The following AFG2A variants were observed in gnomAD, a reference collection of about 807,000 sequenced individuals.
AFG2A encodes the protein AAA ATPase AFG2A.
At chr4:123,109,353 C>T in the AFG2A span, among the ~76,000 whole-genome samples, 11,093 of 152,212 alleles carry the variant, frequency 0.073, 580 homozygotes, top group Non-Finnish European at 0.11. Flanking sequence ...AACACAGCCA[C>T]ATTCATTTTT....
At chr4:123,261,954 A>T in the AFG2A span, among the ~76,000 whole-genome samples, 13 of 149,860 alleles carry the variant, frequency 8.7e-5, no homozygotes, top group Admixed American at 1.3e-4. Context: ...TAATTTTTTT[A>T]AAAAAATTTG....
At chr4:123,017,169 AGGGAGAGGGG>A in the AFG2A span, among the ~76,000 whole-genome samples, 120 of 10,892 alleles carry the variant, frequency 0.011, 8 homozygotes, top group Non-Finnish European at 0.023. Flanking sequence ...GGAAGGGGAG[AGGGAGAGGGG>A]GGAGAGGGAA....
chr4:123,219,356 G>T, the AFG2A span, among the ~76,000 whole-genome samples: 2 of 152,158 alleles, frequency 1.3e-5, no homozygotes, highest in African/African-American at 4.8e-5. Context: ...CCATTGGATG[G>T]CACCTGCATT....
the AFG2A span, among the ~76,000 whole-genome samples, chr4:123,098,063 A>G: frequency 2.6e-4 from 39 of 152,092 alleles, 1 homozygote; most frequent in Middle Eastern, 3.2e-3. Context: ...ACTGTAGTAG[A>G]GTAGTTACAG....
the AFG2A span, among the ~76,000 whole-genome samples, chr4:122,936,839 G>A: frequency 1.3e-5 from 2 of 152,180 alleles, no homozygotes; most frequent in African/African-American, 2.4e-5. Context: ...AATTAGCCAG[G>A]TGTGGTGGCA....
chr4:123,261,243 A>G, the AFG2A span, among the ~76,000 whole-genome samples: 1 of 152,164 alleles, frequency 6.6e-6, no homozygotes, highest in African/African-American at 2.4e-5. Flanking sequence ...GTAGTCTACT[A>G]TATTTGAGAT....
chr4:122,956,742 G>A, the AFG2A span, among the ~76,000 whole-genome samples: 63 of 152,278 alleles, frequency 4.1e-4, no homozygotes, highest in Non-Finnish European at 6.9e-4. Flanking sequence ...TTTTTAAAAA[G>A]ATTAGTGTTC....
chr4:123,202,546 A>G, the AFG2A span, among the ~76,000 whole-genome samples: 4 of 152,292 alleles, frequency 2.6e-5, no homozygotes, highest in Admixed American at 6.5e-5. Context: ...AGCACCCCCA[A>G]TGGTGATATC....
At chr4:123,192,897 T>C in the AFG2A span, among the ~76,000 whole-genome samples, 1 of 152,226 alleles carries the variant, frequency 6.6e-6, no homozygotes, top group Non-Finnish European at 1.5e-5. Flanking sequence ...ATATTCAGCG[T>C]TAACTTTAAA....
chr4:123,124,061 A>T, the AFG2A span, among the ~76,000 whole-genome samples: 800 of 151,970 alleles, frequency 5.3e-3, 2 homozygotes, highest in African/African-American at 0.018. Context: ...TAGTTCAACC[A>T]TTGTGGAAGA....
chr4:122,945,530 T>C, the AFG2A span, among the ~76,000 whole-genome samples: 13 of 152,214 alleles, frequency 8.5e-5, no homozygotes, highest in African/African-American at 2.4e-4. Context: ...TGACCCGATA[T>C]TCCAGGTGCT....
At chr4:123,155,788 C>A in the AFG2A span, among the ~76,000 whole-genome samples, 4 of 152,134 alleles carry the variant, frequency 2.6e-5, no homozygotes, top group African/African-American at 9.7e-5. Context: ...GGTCCTGGAA[C>A]CAATCCCTCA....
At chr4:123,003,784 G>T in the AFG2A span, among the ~76,000 whole-genome samples, 1 of 152,130 alleles carries the variant, frequency 6.6e-6, no homozygotes, top group African/African-American at 2.4e-5. Flanking sequence ...GAGGCAGTCT[G>T]CCTGTTCTCA....
chr4:123,203,378 A>G, the AFG2A span, among the ~76,000 whole-genome samples: 3 of 151,890 alleles, frequency 2.0e-5, no homozygotes, highest in Non-Finnish European at 4.4e-5. Context: ...GCTAGAGTCC[A>G]ATGGCGCAGT....
At chr4:123,085,469 G>T in the AFG2A span, among the ~76,000 whole-genome samples, 2 of 152,112 alleles carry the variant, frequency 1.3e-5, no homozygotes, top group Non-Finnish European at 2.9e-5. Flanking sequence ...TGGTCTCTGA[G>T]AATTTTGCAT....
the AFG2A span, among the ~76,000 whole-genome samples, chr4:123,115,964 A>G: frequency 3.3e-5 from 5 of 152,154 alleles, no homozygotes; most frequent in African/African-American, 1.2e-4. Flanking sequence ...CAGTGGGGCA[A>G]TCGTGGCTCA....
chr4:123,253,098 G>A, the AFG2A span, among the ~76,000 whole-genome samples: 1 of 152,184 alleles, frequency 6.6e-6, no homozygotes, highest in African/African-American at 2.4e-5. Flanking sequence ...TCAGCACTTT[G>A]GGAGGCCAAG....
chr4:123,028,448 C>G, the AFG2A span: 1 of 1,430,824 alleles, frequency 7.0e-7, no homozygotes, highest in Admixed American at 1.7e-5. Context: ...CCCCAACCCC[C>G]ATTCTCTGAC....
At chr4:123,078,883 T>A in the AFG2A span, among the ~76,000 whole-genome samples, 1 of 152,212 alleles carries the variant, frequency 6.6e-6, no homozygotes, top group Non-Finnish European at 1.5e-5. Flanking sequence ...CCCAGTCCTC[T>A]AACAGCTACC....
Sources: allele counts gnomAD v4.1 joint callset (sites outside exome capture counted in the v4.1 genomes callset), GRCh38; gene constraint gnomAD v4.1.1; transcripts MANE v1.5; gene names NCBI Gene and HGNC (gene_info 2026-07-23, HGNC 2026-07-21).